FSHR: variants seen among roughly 807,000 people sequenced by gnomAD.
The protein encoded by FSHR is follicle-stimulating hormone receptor.
In FSHR, 46 loss-of-function variants were observed where a neutral mutation model predicts 52.1. The ratio of observed to expected loss-of-function variants is 0.88; its 90% CI spans 0.70 to 1.13. FSHR has a LOEUF of 1.13. Among genes scored for constraint, FSHR ranks in the 50% most tolerant of loss-of-function variants. FSHR has a pLI of 0.00. For missense variants in FSHR, 964 were observed against 834.6 expected (o/e 1.16, Z -1.91); for synonymous variants, 399 against 309.6 (o/e 1.29, Z -3.03).
At position 49,059,080 on chromosome 2, in the gene FSHR, C is replaced by T. The variant is rs553262237; in HGVS notation, c.224+9139G>A. ...AATAGCTGAGTATGGTGGCACATGC[C>T]TGTAGTACTAGCTACTTGGGAGGCT... On this transcript the variant is annotated intron_variant, in intron 2 of 9. Transcript: ENST00000406846. 7.2e-5 allele frequency among the ~76,000 whole-genome samples: 11 copies of T among 152,102 alleles called. No individual in the cohort carries two copies. In the South Asian group the frequency reaches 1.5e-3, roughly 20 times the overall value.
intron 4 of FSHR, among the ~76,000 whole-genome samples, chr2:49,004,588 A>G (rs942877421): frequency 2.6e-5 from 4 of 152,050 alleles, no homozygotes; most frequent in Non-Finnish European, 4.4e-5. Flanking sequence ...AGGATTTTCT[A>G]TTTTCCTCAT....
At chr2:48,978,877 A>G (rs369096238) in intron 8 of FSHR, among the ~76,000 whole-genome samples, 2 of 152,188 alleles carry the variant, frequency 1.3e-5, no homozygotes, top group Non-Finnish European at 2.9e-5. Flanking sequence ...GAAAGCAGCT[A>G]TCATCAGTTT....
chr2:48,964,378 G>A (rs909081941), intron 9 of FSHR, among the ~76,000 whole-genome samples: 1 of 152,172 alleles, frequency 6.6e-6, no homozygotes, highest in Admixed American at 6.5e-5. Context: ...ATCACTGGAA[G>A]ATCCAGACTG....
At chr2:49,114,590 A>G (rs1671534945) in intron 1 of FSHR, among the ~76,000 whole-genome samples, 1 of 152,196 alleles carries the variant, frequency 6.6e-6, no homozygotes, top group Non-Finnish European at 1.5e-5. Context: ...AACTATGAAA[A>G]ATAAAAAGAG....
chr2:49,072,760 A>G (rs545814557), intron 1 of FSHR, among the ~76,000 whole-genome samples: 2 of 152,160 alleles, frequency 1.3e-5, no homozygotes, highest in African/African-American at 4.8e-5. Context: ...TTCTACTAGT[A>G]GCAAAAGGTT....
At chr2:49,054,290 A>C (rs545396578) in intron 2 of FSHR, among the ~76,000 whole-genome samples, 54 of 152,086 alleles carry the variant, frequency 3.6e-4, no homozygotes, top group Middle Eastern at 3.4e-3. Context: ...GTCTTGGCCT[A>C]AGAAATAGCC....
rs905760376 is a variant in FSHR at position 49,023,170 on chromosome 2, C to T, written c.225-3010G>A. 5.3e-5 allele frequency among the ~76,000 whole-genome samples: 8 copies of T among 152,180 alleles called. No homozygotes were observed. The South Asian group carries it at 6.2e-4, about 12-fold the overall frequency. On this transcript the variant is annotated intron_variant, in intron 2 of 9. Coordinates refer to ENST00000406846, the MANE Select transcript of FSHR (RefSeq NM_000145.4). ...CTCTGAAAAGCCCTCCTTTACTCTA[C>T]CAGCACTGAAGTTTTCCTATTGTCT... is the stretch of plus-strand genomic sequence containing the variant.
intron 1 of FSHR, among the ~76,000 whole-genome samples, chr2:49,153,653 A>G (rs1242661300): frequency 6.6e-6 from 1 of 152,160 alleles, no homozygotes; most frequent in Middle Eastern, 3.2e-3. Context: ...TAACTTATTA[A>G]TCACATTTTT....
At chr2:49,087,787 T>C (rs1165310927) in intron 1 of FSHR, among the ~76,000 whole-genome samples, 1 of 152,158 alleles carries the variant, frequency 6.6e-6, no homozygotes, top group Non-Finnish European at 1.5e-5. Flanking sequence ...TTTCAAATTA[T>C]TTATTGAACA....
chr2:49,029,813 C>T (rs1668037639), intron 2 of FSHR, among the ~76,000 whole-genome samples: 1 of 152,188 alleles, frequency 6.6e-6, no homozygotes, highest in Non-Finnish European at 1.5e-5. Context: ...GGCCTTTGTT[C>T]CTCATCTATA....
At chr2:49,089,753 C>G (rs12614425) in intron 1 of FSHR, among the ~76,000 whole-genome samples, 22,054 of 152,026 alleles carry the variant, frequency 0.15, 1,633 homozygotes, top group East Asian at 0.23. Context: ...TTGACAGTAG[C>G]TATTGATCTA....
chr2:48,967,654 T>C (rs1674537248), intron 9 of FSHR, among the ~76,000 whole-genome samples: 1 of 152,192 alleles, frequency 6.6e-6, no homozygotes, highest in Non-Finnish European at 1.5e-5. Flanking sequence ...GCTATTTTTC[T>C]ACAAATCCTC....
chr2:49,051,846 A>G (rs1668870629), intron 2 of FSHR, among the ~76,000 whole-genome samples: 1 of 152,072 alleles, frequency 6.6e-6, no homozygotes, highest in African/African-American at 2.4e-5. Flanking sequence ...TCAATTATCC[A>G]CTTAAAGTTA....
intron 8 of FSHR, among the ~76,000 whole-genome samples, chr2:48,977,123 CCTCT>C (rs10558428): frequency 9.4e-5 from 14 of 149,518 alleles, no homozygotes; most frequent in South Asian, 2.1e-4. Flanking sequence ...AATCCCCTCT[CCTCT>C]CTCTCTCTCT....
intron 4 of FSHR, among the ~76,000 whole-genome samples, chr2:49,006,830 T>A (rs1667091043): frequency 6.6e-6 from 1 of 152,136 alleles, no homozygotes; most frequent in Non-Finnish European, 1.5e-5. Context: ...ATCCCTTCCA[T>A]CCTTTCTCAA....
intron 4 of FSHR, among the ~76,000 whole-genome samples, chr2:48,996,927 G>C (rs941851180): frequency 6.6e-6 from 1 of 152,068 alleles, no homozygotes; most frequent in African/African-American, 2.4e-5. Context: ...TGCTAATATT[G>C]ATATTTCTAT....
intron 2 of FSHR, among the ~76,000 whole-genome samples, chr2:49,059,966 G>A (rs900781052): frequency 6.6e-6 from 1 of 151,874 alleles, no homozygotes; most frequent in Non-Finnish European, 1.5e-5. Context: ...ATTTGACAGG[G>A]CATTAATATC....
chr2:49,126,758 T>C (rs1672012089), intron 1 of FSHR, among the ~76,000 whole-genome samples: 1 of 152,236 alleles, frequency 6.6e-6, no homozygotes, highest in African/African-American at 2.4e-5. Flanking sequence ...GTGCTCTTCG[T>C]ACTGCAACCA....
At chr2:49,007,285 AC>A (rs908796537) in intron 4 of FSHR, among the ~76,000 whole-genome samples, 1 of 152,088 alleles carries the variant, frequency 6.6e-6, no homozygotes, top group African/African-American at 2.4e-5. Flanking sequence ...ATAACCAAGT[AC>A]TATAGACAAG....
Sources: gnomAD v4.1 joint callset for allele counts (sites outside exome capture counted in the v4.1 genomes callset) on GRCh38, gnomAD v4.1.1 for gene constraint, MANE v1.5 for transcripts, NCBI Gene and HGNC (gene_info 2026-07-23, HGNC 2026-07-21) for gene names.